ALOX12B: variants seen among roughly 807,000 people sequenced by gnomAD.
The protein encoded by ALOX12B is arachidonate 12-lipoxygenase, 12R type, also known as arachidonate 12-lipoxygenase, 12R-type.
Under a neutral mutation model 78.9 loss-of-function variants are expected in ALOX12B, and 47 were observed. The observed-to-expected ratio is 0.60, with a 90% CI of 0.47 to 0.76. The LOEUF (loss-of-function observed/expected upper bound fraction) is 0.76, where lower values mean the gene tolerates loss of function less well. Ranked by LOEUF, ALOX12B falls within the 30% of genes least tolerant of loss-of-function variation. The probability of loss-of-function intolerance (pLI) is 0.00; values close to 1 mark genes in which losing one functional copy is unlikely to be tolerated. For missense variants in ALOX12B, 805 were observed against 922.6 expected (o/e 0.87, Z 1.65); for synonymous variants, 370 against 374.5 (o/e 0.99, Z 0.14).
rs1567982872 is a variant in ALOX12B, at chr17:8,079,896, T to G, written c.800A>C (p.Gln267Pro). 1 of 1,613,266 alleles carries G rather than the reference T, an allele frequency of 6.2e-7. No homozygotes were observed. Among genetic ancestry groups the G allele is most frequent in the East Asian group, 2.2e-5 (1 of 44,842 alleles). Residue 267 changes from glutamine (Q) to proline (P), a missense_variant, in exon 7 of 15, where the codon CAG (glutamine) becomes CCG (proline). Physicochemically the swap from Gln to Pro is moderately conservative, Grantham distance 76. Coordinates refer to ENST00000647874, the MANE Select transcript of ALOX12B (RefSeq NM_001139.3). The surrounding 1 kb of genome is among the most constrained non-coding windows in gnomAD (Gnocchi z 6.4). ...GCCGGGGTTGACGCCGTTGAGGTACTGGTACCCAAAGAAGGTGTCCTCTGC... is the reference window on the plus strand; with the variant it reads ...GCCGGGGTTGACGCCGTTGAGGTACGGGTACCCAAAGAAGGTGTCCTCTGC... Reference protein sequence around the residue: ...HWAEDTFFGYQYLNGVNPGLI... With the variant: ...HWAEDTFFGYPYLNGVNPGLI...
intron 14 of ALOX12B, 57 bp downstream of exon 14, chr17:8,073,091 C>T (rs1977014743): frequency 1.2e-5 from 19 of 1,611,926 alleles, no homozygotes; most frequent in Admixed American, 1.7e-5. Flanking sequence ...TTATCCTCCC[C>T]CATCCCCGGC....
chr17:8,078,806 A>G (rs116729080), intron 8 of ALOX12B, among the ~76,000 whole-genome samples: 1,759 of 152,054 alleles, frequency 0.012, 25 homozygotes, highest in African/African-American at 0.04. Flanking sequence ...TATGAACTAG[A>G]AAAATGTGCC....
chr17:8,073,833 G>T, intron 12 of ALOX12B, 76 bp from the exon 13 acceptor site: 1 of 1,183,350 alleles, frequency 8.5e-7, no homozygotes, highest in Non-Finnish European at 1.2e-6. Flanking sequence ...GCGCCACCAT[G>T]CCCCGCTCTC....
intron 8 of ALOX12B, among the ~76,000 whole-genome samples, chr17:8,077,596 G>C (rs1179756933): frequency 6.6e-6 from 1 of 152,210 alleles, no homozygotes; most frequent in Non-Finnish European, 1.5e-5. Flanking sequence ...ATTCCATTAA[G>C]GAGCCAGGAG....
chr17:8,076,443 A>G (rs2151821873), intron 10 of ALOX12B, 99 bp from the exon 11 acceptor site: 2 of 1,411,584 alleles, frequency 1.4e-6, no homozygotes, highest in Non-Finnish European at 9.7e-7. Context: ...CCCCTGACCC[A>G]GCCCACCCCA....
chr17:8,076,964 G>A (rs1977098430), intron 9 of ALOX12B, 26 bp downstream of exon 9: 1 of 1,606,306 alleles, frequency 6.2e-7, no homozygotes, highest in Non-Finnish European at 8.5e-7. Flanking sequence ...GATGCCTGGG[G>A]GAGGCCCCTT....
At position 8,087,531 on chromosome 17, in the gene ALOX12B, GCA is replaced by G; in HGVS notation, c.-91_-90del. 1.3e-6 allele frequency: 2 copies of G among 1,598,632 alleles called. No homozygotes were observed. Among genetic ancestry groups the G allele is most frequent in the Admixed American group, 3.3e-5 (2 of 59,848 alleles). ...GCCCAAGGCAGGCAAGAGAAGCCAGGCACAGAGTGGAGTGGACAGGGCTGGCC... is the reference window on the plus strand; with the variant it reads ...GCCCAAGGCAGGCAAGAGAAGCCAGGCAGAGTGGAGTGGACAGGGCTGGCC... On this transcript the variant is annotated 5_prime_UTR_variant, in exon 1 of 15. Transcript: ENST00000647874.
intron 1 of ALOX12B, 53 bp downstream of exon 1, chr17:8,087,243 C>CAG (rs1978303099): frequency 6.9e-7 from 1 of 1,439,496 alleles, no homozygotes; most frequent in Non-Finnish European, 9.3e-7. Context: ...CACAGACACA[C>CAG]ACACACACAC....
intron 11 of ALOX12B, 146 bp downstream of exon 11, chr17:8,076,029 G>T: frequency 9.0e-7 from 1 of 1,107,568 alleles, no homozygotes; most frequent in Non-Finnish European, 1.3e-6. Context: ...TAGGTGTGAT[G>T]GACACACAGA....
In ALOX12B at chr17:8,081,138, T is replaced by G; in HGVS notation, c.402A>C (p.Lys134Asn). ...DSLPVLLEHR[K>N]EEIRAKQDFY... is the part of the protein sequence containing the mutation. ...AGTCCTGCTTGGCTCTGATCTCCTC[T>G]TTTCTGTGCTCCAGGAGGACGGGGA... is the stretch of plus-strand genomic sequence containing the variant. Residue 134 changes from lysine to asparagine, a missense_variant, in exon 3 of 15, where the codon AAA becomes AAC. Lys to Asn is a moderately conservative substitution (Grantham distance 94). Transcript: ENST00000647874. The G allele has an allele frequency of 6.2e-7, 1 of 1,613,796 alleles. No homozygotes were observed. Among genetic ancestry groups the G allele is most frequent in the African/African-American group, 1.3e-5 (1 of 74,954 alleles).
chr17:8,073,347 G>A (rs1977020865), intron 13 of ALOX12B, 29 bp from the exon 14 acceptor site: 7 of 1,613,730 alleles, frequency 4.3e-6, no homozygotes, highest in African/African-American at 1.3e-5. Flanking sequence ...CGCGGGTCTG[G>A]GTGGAAGAGT....
rs775464598 is a variant in ALOX12B at position 8,079,838 on chromosome 17, C to A, written c.858G>T (p.Lys286Asn). The A allele has an allele frequency of 3.0e-5, 49 of 1,613,530 alleles. No homozygotes were observed. The highest frequency in any genetic ancestry group is 4.2e-5 in the Non-Finnish European group (49 of 1,179,980). Residue 286 changes from lysine (K) to asparagine (N), a missense_variant, in exon 7 of 15, where the codon AAG becomes AAT. By Grantham distance (94) the Lys-to-Asn change is moderately conservative (BLOSUM62 0). Coordinates refer to ENST00000647874, the MANE Select transcript of ALOX12B (RefSeq NM_001139.3). The surrounding 1 kb of genome is among the most constrained non-coding windows in gnomAD (Gnocchi z 6.4). ...LIRRCTRIPD[K>N]FPVTDDMVAP... is the part of the protein sequence containing the mutation. ...CCACCATGTCGTCTGTGACGGGGAA[C>A]TTGTCTGGGATCCGCGTGCAGCGGC...
intron 13 of ALOX12B, 86 bp downstream of exon 13, chr17:8,073,571 T>G: frequency 7.7e-7 from 1 of 1,290,832 alleles, no homozygotes; most frequent in South Asian, 1.2e-5. Context: ...GGATTATGGC[T>G]GAGGCTGGGT....
Position 8,076,883 on chromosome 17 carries a change from C to T in ALOX12B, c.1275+107G>A, listed in dbSNP as rs1462091103. ...CCCTCTCTTGTGGTCCCCAGATGCC[C>T]CCCAGGCTGACTGGAGTCTCTCTGA... On this transcript the variant is annotated intron_variant, in intron 9 of 14. Transcript: ENST00000647874. 11 of 1,369,350 alleles carry T rather than the reference C, an allele frequency of 8.0e-6. No individual in the cohort carries two copies. In the South Asian group the frequency reaches 8.8e-5, roughly 11 times the overall value. The allele number at this position is 1,369,350 out of a possible 1,614,324, so 84.8% of individuals were successfully genotyped here.
At chr17:8,078,961 G>C (rs905506747) in intron 8 of ALOX12B, among the ~76,000 whole-genome samples, 2 of 142,916 alleles carry the variant, frequency 1.4e-5, no homozygotes, top group Non-Finnish European at 3.0e-5. Context: ...GCAGTGGCAT[G>C]ATCTAGGCTC....
At chr17:8,077,300 C>G in intron 8 of ALOX12B, 107 bp from the exon 9 acceptor site, 1 of 1,165,168 alleles carries the variant, frequency 8.6e-7, no homozygotes, top group Non-Finnish European at 1.2e-6. Context: ...TGAAAACACT[C>G]CTAAGCTCCG....
chr17:8,079,396 C>T lies in ALOX12B; in HGVS notation c.1071G>A (p.Gln357=). ...GCAGCGCCGCCTGCAGCCCAGGCAC[C>T]TGGATGGCGATGGGCATCATCTTGC... ...PEGKMMPIAI[Q]LSQTPGPDCP... is the part of the protein sequence containing the mutation. Residue 357 remains glutamine, a splice_region_variant and synonymous_variant, in exon 8 of 15, where the codon CAG becomes CAA. Transcript: ENST00000647874. The surrounding 1 kb of genome is among the most constrained non-coding windows in gnomAD (Gnocchi z 6.4). 1 of 1,553,334 alleles carries T rather than the reference C, an allele frequency of 6.4e-7. No individual in the cohort carries two copies. The highest frequency in any genetic ancestry group is 1.2e-5 in the South Asian group (1 of 84,244).
At chr17:8,077,244 A>G (rs368113193) in intron 8 of ALOX12B, 51 bp from the exon 9 acceptor site, 116 of 1,541,234 alleles carry the variant, frequency 7.5e-5, no homozygotes, top group Non-Finnish European at 9.3e-5. Flanking sequence ...ACCCACACAC[A>G]TAAAGGCCCC....
chr17:8,081,078 G>A (rs763971810), intron 3 of ALOX12B, 28 bp downstream of exon 3: 1 of 1,613,146 alleles, frequency 6.2e-7, no homozygotes, highest in Non-Finnish European at 8.5e-7. Context: ...CCTGCCGGGC[G>A]CCCAGACTCT....
Sources: allele counts gnomAD v4.1 joint callset (sites outside exome capture counted in the v4.1 genomes callset), GRCh38; gene constraint gnomAD v4.1.1; non-coding constraint Gnocchi (gnomAD v3.1); transcripts MANE v1.5; gene names NCBI Gene and HGNC (gene_info 2026-07-23, HGNC 2026-07-21).